OSBPL9: variants seen among roughly 807,000 people sequenced by gnomAD.
OSBPL9 encodes oxysterol binding protein like 9, also known as oxysterol-binding protein-related protein 9.
Under a neutral mutation model 106.6 loss-of-function variants are expected in OSBPL9, and 40 were observed. The observed-to-expected ratio is 0.38, with a 90% CI of 0.29 to 0.49. The LOEUF (loss-of-function observed/expected upper bound fraction) is 0.49, where lower values mean the gene tolerates loss of function less well. OSBPL9 is among the 20% of genes least tolerant of loss of function. The probability of loss-of-function intolerance (pLI) is 0.97; values close to 1 mark genes in which losing one functional copy is unlikely to be tolerated. For missense variants in OSBPL9, 609 were observed against 887.2 expected, an observed-to-expected ratio of 0.69 and a Z score of 3.98; for synonymous variants, 269 against 295.4, an observed-to-expected ratio of 0.91 and a Z score of 0.92.
chr1:51,569,703 A>G, the OSBPL9 span: 35 of 152,268 alleles, frequency 2.3e-4, no homozygotes, highest in African/African-American at 7.9e-4. Context: ...GAATGCTTCA[A>G]CCTGGTTGAG....
intron 4 of OSBPL9, among the ~76,000 whole-genome samples, chr1:51,744,264 T>C (rs1667532582): frequency 6.6e-6 from 1 of 152,166 alleles, no homozygotes; most frequent in African/African-American, 2.4e-5. Flanking sequence ...GTTGTTGTCT[T>C]TAGTAGAGGT....
At chr1:51,611,743 T>TG (rs1041190687) in intron 2 of OSBPL9, among the ~76,000 whole-genome samples, 1 of 151,412 alleles carries the variant, frequency 6.6e-6, no homozygotes, top group Non-Finnish European at 1.5e-5. Context: ...GGTCAAGGGG[T>TG]GGGGGGTGGA....
intron 1 of OSBPL9, among the ~76,000 whole-genome samples, chr1:51,633,942 A>G (rs1054126280): frequency 1.3e-5 from 2 of 152,140 alleles, no homozygotes; most frequent in African/African-American, 2.4e-5. Context: ...AATTATTAAC[A>G]GTTTTTCATT....
chr1:51,582,085 A>G (rs888741507), intron 1 of OSBPL9, among the ~76,000 whole-genome samples: 1 of 152,204 alleles, frequency 6.6e-6, no homozygotes, highest in African/African-American at 2.4e-5. Flanking sequence ...TAATTGGAGT[A>G]TAACATTTAT....
chr1:51,584,707 A>G (rs1279421791), intron 1 of OSBPL9, among the ~76,000 whole-genome samples: 3 of 151,962 alleles, frequency 2.0e-5, no homozygotes, highest in African/African-American at 7.3e-5. Flanking sequence ...TAAAAGCAAG[A>G]CTCCGTCTCA....
intron 12 of OSBPL9, among the ~76,000 whole-genome samples, chr1:51,771,081 G>A (rs1673773722): frequency 1.3e-5 from 2 of 152,220 alleles, no homozygotes; most frequent in South Asian, 4.1e-4. Context: ...TATGCATGCT[G>A]TCTATATTTT....
At chr1:51,715,663 C>G (rs1268855990) in intron 4 of OSBPL9, among the ~76,000 whole-genome samples, 2 of 152,188 alleles carry the variant, frequency 1.3e-5, no homozygotes, top group Non-Finnish European at 2.9e-5. Flanking sequence ...GTTGGTTAGA[C>G]TGACATTCAA....
At chr1:51,682,419 C>G (rs1157202816) in intron 3 of OSBPL9, among the ~76,000 whole-genome samples, 7 of 152,024 alleles carry the variant, frequency 4.6e-5, no homozygotes, top group African/African-American at 1.7e-4. Context: ...TTCACAGTTG[C>G]CAAGATATGG....
chr1:51,735,525 T>G (rs952689377), intron 4 of OSBPL9, among the ~76,000 whole-genome samples: 82 of 152,226 alleles, frequency 5.4e-4, no homozygotes, highest in African/African-American at 1.9e-3. Flanking sequence ...CCTTATAACT[T>G]TCTCCTTTGA....
intron 1 of OSBPL9, among the ~76,000 whole-genome samples, chr1:51,577,932 G>T (rs764435823): frequency 2.0e-5 from 3 of 152,134 alleles, no homozygotes; most frequent in Non-Finnish European, 4.4e-5. Flanking sequence ...ATGAAATCAC[G>T]TGTGAGAAAA....
the OSBPL9 span, among the ~76,000 whole-genome samples, chr1:51,558,649 C>T: frequency 5.9e-5 from 9 of 152,216 alleles, no homozygotes; most frequent in Admixed American, 2.0e-4. Context: ...CCTAGCACCC[C>T]GCCTGCCAAG....
chr1:51,518,347 T>A, the OSBPL9 span: 2 of 152,704 alleles, frequency 1.3e-5, no homozygotes, highest in African/African-American at 4.8e-5. Context: ...TTGCTGAGGA[T>A]TCCCCCCAAG....
chr1:51,583,320 C>T (rs1645231157), intron 1 of OSBPL9: 1 of 152,170 alleles, frequency 6.6e-6, no homozygotes, highest in African/African-American at 2.4e-5. Context: ...CTTACTGAGT[C>T]CTTACTATGT....
At chr1:51,673,343 T>G (rs2148773997) in intron 3 of OSBPL9, among the ~76,000 whole-genome samples, 1 of 152,312 alleles carries the variant, frequency 6.6e-6, no homozygotes, top group South Asian at 2.1e-4. Flanking sequence ...GACAGTGCAT[T>G]CAAGTTTTGA....
At chr1:51,566,767 C>T in the OSBPL9 span, among the ~76,000 whole-genome samples, 9 of 152,300 alleles carry the variant, frequency 5.9e-5, no homozygotes, top group East Asian at 1.5e-3. Context: ...CTTCCCTGCA[C>T]TGCAGCTCTC....
intron 1 of OSBPL9, among the ~76,000 whole-genome samples, chr1:51,597,186 G>A (rs1332180184): frequency 1.3e-5 from 2 of 152,128 alleles, no homozygotes; most frequent in African/African-American, 4.8e-5. Context: ...CTGGAGAAAG[G>A]ATGGAGTCAA....
chr1:51,533,972 C>T, the OSBPL9 span, among the ~76,000 whole-genome samples: 1 of 150,516 alleles, frequency 6.6e-6, no homozygotes, highest in African/African-American at 2.4e-5. Flanking sequence ...TTTGGGAGGC[C>T]GAGGCAGGTG....
At chr1:51,672,184 G>A (rs1221730100) in intron 3 of OSBPL9, among the ~76,000 whole-genome samples, 1 of 152,150 alleles carries the variant, frequency 6.6e-6, no homozygotes, top group African/African-American at 2.4e-5. Flanking sequence ...CACTGTGTTG[G>A]GAGTAAAATT....
At chr1:51,572,756 G>C (rs1307928338), upstream of OSBPL9, among the ~76,000 whole-genome samples, 1 of 152,200 alleles carries the variant, frequency 6.6e-6, no homozygotes, top group African/African-American at 2.4e-5. Context: ...GAAGACTAAC[G>C]GGGATTTGTG....
Sources: allele counts gnomAD v4.1 joint callset (sites outside exome capture counted in the v4.1 genomes callset), GRCh38; gene constraint gnomAD v4.1.1; transcripts MANE v1.5; gene names NCBI Gene and HGNC (gene_info 2026-07-23, HGNC 2026-07-21).